Variants in DOCK10 observed in about 807,000 individuals in gnomAD.
DOCK10 encodes the protein dedicator of cytokinesis 10.
In DOCK10, 145 loss-of-function variants were observed where a neutral mutation model predicts 280.1. The observed-to-expected ratio is 0.52, with a 90% confidence interval of 0.45 to 0.59. The LOEUF (loss-of-function observed/expected upper bound fraction) is 0.59. Among genes scored for constraint, DOCK10 ranks in the 20% least tolerant of loss-of-function variants. The probability of loss-of-function intolerance (pLI) is 0.00; values close to 1 mark genes in which losing one functional copy is unlikely to be tolerated. For synonymous variants in DOCK10, 915 were observed against 942.2 expected, an observed-to-expected ratio of 0.97 and a Z score of 0.53; for missense variants, 2,368 against 2,651.7, an observed-to-expected ratio of 0.89 and a Z score of 2.35.
At position 224,862,762 on chromosome 2, in the gene DOCK10, A is replaced by G; in HGVS notation, c.1603-16T>C. 1 of 1,513,580 alleles carries G rather than the reference A, an allele frequency of 6.6e-7. No homozygotes were observed. The highest frequency in any genetic ancestry group is 9.1e-7 in the Non-Finnish European group (1 of 1,100,608). The allele number at this position is 1,513,580 out of a possible 1,614,324, so 93.8% of individuals were successfully genotyped here. A position where few individuals can be genotyped will look rare whatever the true frequency, so the allele number is the denominator to read the frequency against. Reference sequence around the variant, plus strand: ...TTTGTGCATACTAAAGAAAAAATAAATACAAATATTGTTTAGAATAGCACT... The same window carrying G: ...TTTGTGCATACTAAAGAAAAAATAAGTACAAATATTGTTTAGAATAGCACT... On this transcript the variant is annotated splice_polypyrimidine_tract_variant and intron_variant, in intron 13 of 55. Coordinates refer to ENST00000258390, the MANE Select transcript of DOCK10 (RefSeq NM_014689.3).
intron 1 of DOCK10, among the ~76,000 whole-genome samples, chr2:224,952,169 G>A (rs1020827885): frequency 3.9e-5 from 6 of 152,210 alleles, no homozygotes; most frequent in East Asian, 1.9e-4. Flanking sequence ...ACAGCTGTAC[G>A]AAAATTCATG....
intron 48 of DOCK10, among the ~76,000 whole-genome samples, chr2:224,788,363 ATTTGT>A (rs1180085239): frequency 6.6e-6 from 1 of 152,208 alleles, no homozygotes; most frequent in Non-Finnish European, 1.5e-5. Flanking sequence ...GTTTTCAACA[ATTTGT>A]TTTAAGAAAA....
rs1426549870 is a variant in DOCK10 at position 224,804,118 on chromosome 2, G to A, written c.4262C>T (p.Ser1421Leu). The change falls in exon 39 of 56, where the codon TCA becomes TTA. Residue 1421 changes from serine (S) to leucine (L), a missense_variant. Ser to Leu is a moderately radical substitution (Grantham distance 145). Coordinates refer to ENST00000258390, the MANE Select transcript of DOCK10 (RefSeq NM_014689.3). ...NPSCQTSGLL[S>L]QWMHSTSSHE... ...CAAGCAAATGTGACATTACCATTGT[G>A]ACAAGAGACCTGATGTCTGGCAGGA... 6.2e-7 allele frequency: 1 copy of A among 1,603,924 alleles called. No homozygotes were observed. The highest frequency in any genetic ancestry group is 1.3e-5 in the African/African-American group (1 of 74,558).
intron 26 of DOCK10, 41 bp downstream of exon 26, chr2:224,834,109 G>A (rs761217211): frequency 1.2e-5 from 14 of 1,184,600 alleles, no homozygotes; most frequent in Non-Finnish European, 1.5e-5. Context: ...CGTGACCCAT[G>A]CCTAGTACTC....
intron 1 of DOCK10, among the ~76,000 whole-genome samples, chr2:224,943,699 A>T (rs1703222582): frequency 6.7e-6 from 1 of 149,296 alleles, no homozygotes; most frequent in African/African-American, 2.5e-5. Context: ...CCTCATCACT[A>T]TTCAAATGAA....
chr2:224,997,603 C>A (rs545266199), intron 1 of DOCK10, among the ~76,000 whole-genome samples: 1 of 152,278 alleles, frequency 6.6e-6, no homozygotes, highest in South Asian at 2.1e-4. Flanking sequence ...CTCCTCTTCA[C>A]TGCCATCCGT....
In DOCK10 at chr2:224,816,624, GTT is replaced by G; in HGVS notation, c.3355_3356del (p.Asn1119HisfsTer21). 6.3e-7 allele frequency: 1 copy of G among 1,592,372 alleles called. No individual in the cohort carries two copies. The highest frequency in any genetic ancestry group is 8.6e-7 in the Non-Finnish European group (1 of 1,163,504). On this transcript the variant is annotated frameshift_variant, in exon 30 of 56. Transcript: ENST00000258390. LOFTEE classifies it high-confidence loss of function. ...TTCTGGGAATTTTATTACCTGGAAT[GTT>G]TGCTGATCTTATGGGCAGACACAAA... ...IPLCLPIRSA[N>X]IPDPLTPSES...
intron 50 of DOCK10, among the ~76,000 whole-genome samples, chr2:224,784,389 C>T (rs1049872266): frequency 1.2e-4 from 19 of 152,130 alleles, no homozygotes; most frequent in Non-Finnish European, 2.1e-4. Flanking sequence ...AATAAGTAGA[C>T]GATCTACAAT....
intron 1 of DOCK10, among the ~76,000 whole-genome samples, chr2:225,003,868 A>T (rs1018807001): frequency 1.2e-4 from 19 of 152,158 alleles, no homozygotes; most frequent in African/African-American, 4.3e-4. Context: ...TGGCAATTGG[A>T]GTTTTACATC....
chr2:224,811,034 G>A (rs905125450), intron 31 of DOCK10, among the ~76,000 whole-genome samples: 6 of 152,072 alleles, frequency 3.9e-5, no homozygotes, highest in African/African-American at 9.7e-5. Flanking sequence ...GGTATTTCTA[G>A]TTCGAGATCC....
At chr2:224,811,603 G>A (rs1693780175) in intron 31 of DOCK10, among the ~76,000 whole-genome samples, 1 of 152,208 alleles carries the variant, frequency 6.6e-6, no homozygotes. Flanking sequence ...TTCTTCTAGG[G>A]TTTTTATGGT....
intron 27 of DOCK10, among the ~76,000 whole-genome samples, chr2:224,829,436 A>G (rs1695078935): frequency 5.3e-5 from 8 of 152,174 alleles, no homozygotes; most frequent in Admixed American, 5.2e-4. Context: ...CCCCACCAAA[A>G]GAGTAAATCA....
At position 224,823,605 on chromosome 2, in the gene DOCK10, A is replaced by G. The variant is rs991432763; in HGVS notation, c.3079T>C (p.Leu1027=). The change falls in exon 28 of 56, where the codon TTG becomes CTG. Residue 1027 remains leucine, a synonymous_variant. Transcript: ENST00000258390. ...QRFPESYQNE[L]DNLVMVLSDH... ...GATAGGACCATGACAAGATTGTCCA[A>G]TTCATTTTGGTAAGATTCAGGAAAT... 1.2e-5 allele frequency: 19 copies of G among 1,604,988 alleles called. No homozygotes were observed. Among genetic ancestry groups the G allele is most frequent in the Non-Finnish European group, 1.5e-5 (18 of 1,177,214 alleles).
chr2:224,997,031 T>C (rs1706290259), intron 1 of DOCK10, among the ~76,000 whole-genome samples: 1 of 152,234 alleles, frequency 6.6e-6, no homozygotes, highest in Non-Finnish European at 1.5e-5. Flanking sequence ...TCAGTATTCA[T>C]GTAACTTCAC....
intron 27 of DOCK10, among the ~76,000 whole-genome samples, chr2:224,824,621 A>G (rs1694726295): frequency 6.6e-6 from 1 of 151,676 alleles, no homozygotes; most frequent in Non-Finnish European, 1.5e-5. Flanking sequence ...TTTAGTAGTG[A>G]CAGGGTTTCG....
intron 8 of DOCK10, among the ~76,000 whole-genome samples, chr2:224,875,482 G>T (rs956212856): frequency 6.6e-6 from 1 of 151,892 alleles, no homozygotes; most frequent in African/African-American, 2.4e-5. Flanking sequence ...CCTCTCTCTT[G>T]TTCCCTTCTC....
intron 51 of DOCK10, 49 bp downstream of exon 51, chr2:224,778,089 A>C: frequency 6.4e-7 from 1 of 1,565,710 alleles, no homozygotes; most frequent in South Asian, 1.1e-5. Context: ...TAAAGAATAA[A>C]AAACTCAGTC....
At chr2:224,803,116 C>T (rs947489218) in intron 39 of DOCK10, among the ~76,000 whole-genome samples, 17 of 152,122 alleles carry the variant, frequency 1.1e-4, no homozygotes, top group Admixed American at 6.6e-4. Flanking sequence ...TTCTAGGAGG[C>T]GAGGGACAGA....
rs1426638940 is a variant in DOCK10 at position 224,794,872 on chromosome 2, T to C, written c.5154+7A>G. ...TGATGGTAAATGACCAAGCCTTGGC[T>C]AATCACCTCAGATAAATCTCCGTTT... On this transcript the variant is annotated splice_region_variant and intron_variant, in intron 45 of 55. Transcript: ENST00000258390. 3.7e-6 allele frequency: 6 copies of C among 1,613,094 alleles called. No individual in the cohort carries two copies. In the South Asian group the frequency reaches 5.5e-5, roughly 15 times the overall value.
Sources: gnomAD v4.1 joint callset for allele counts (sites outside exome capture counted in the v4.1 genomes callset) on GRCh38, gnomAD v4.1.1 for gene constraint, MANE v1.5 for transcripts, NCBI Gene and HGNC (gene_info 2026-07-23, HGNC 2026-07-21) for gene names.